Variants in MAN2A1 observed in about 807,000 individuals in gnomAD.
MAN2A1 encodes the protein mannosidase alpha class 2A member 1.
A neutral mutation model predicts 142.6 loss-of-function variants in MAN2A1; 76 were observed. That is an observed-to-expected ratio of 0.53 (90% CI 0.44 to 0.65). The LOEUF (loss-of-function observed/expected upper bound fraction) is 0.65, where lower values mean the gene tolerates loss of function less well. Ranked by LOEUF, MAN2A1 falls within the 30% of genes least tolerant of loss-of-function variation. MAN2A1 has a pLI of 0.00. For missense variants in MAN2A1, 1,311 were observed against 1,365.1 expected, an observed-to-expected ratio of 0.96 and a Z score of 0.62; for synonymous variants, 559 against 473.2, an observed-to-expected ratio of 1.18 and a Z score of -2.35.
intron 16 of MAN2A1, among the ~76,000 whole-genome samples, chr5:109,834,626 A>C (rs1755013715): frequency 6.6e-6 from 1 of 152,198 alleles, no homozygotes; most frequent in Non-Finnish European, 1.5e-5. Flanking sequence ...GAAAGGCATA[A>C]AGTAGGTACA....
At chr5:109,711,982 A>G (rs975612293) in intron 1 of MAN2A1, among the ~76,000 whole-genome samples, 1 of 152,044 alleles carries the variant, frequency 6.6e-6, no homozygotes, top group Non-Finnish European at 1.5e-5. Context: ...GAGAAGGTAC[A>G]TGGCTGTCTT....
At chr5:109,835,644 A>C (rs1755035309) in intron 16 of MAN2A1, among the ~76,000 whole-genome samples, 3 of 152,170 alleles carry the variant, frequency 2.0e-5, no homozygotes, top group Admixed American at 6.5e-5. Flanking sequence ...CTGATAAGAT[A>C]CTGGACTTTG....
chr5:109,822,848 T>C (rs1332508809), intron 15 of MAN2A1, among the ~76,000 whole-genome samples: 1 of 152,084 alleles, frequency 6.6e-6, no homozygotes, highest in Non-Finnish European at 1.5e-5. Flanking sequence ...TGGCTAATTT[T>C]TTGTCTTTTT....
At chr5:109,708,451 G>A (rs1486617391) in intron 1 of MAN2A1, among the ~76,000 whole-genome samples, 1 of 149,486 alleles carries the variant, frequency 6.7e-6, no homozygotes, top group Non-Finnish European at 1.5e-5. Context: ...GGGCCCTGGA[G>A]GGGAATGGGA....
At chr5:109,723,456 T>C (rs1022034269) in intron 3 of MAN2A1, among the ~76,000 whole-genome samples, 5 of 152,218 alleles carry the variant, frequency 3.3e-5, no homozygotes, top group African/African-American at 4.8e-5. Context: ...AGTCGATTAC[T>C]AAGTTCTCTT....
At chr5:109,823,204 A>G (rs1252424593) in intron 15 of MAN2A1, among the ~76,000 whole-genome samples, 1 of 152,196 alleles carries the variant, frequency 6.6e-6, no homozygotes, top group Non-Finnish European at 1.5e-5. Context: ...ATATTCAGCT[A>G]GTTCTTTCAA....
In MAN2A1 at chr5:109,760,665, G is replaced by A. The variant is rs569677235; in HGVS notation, c.835+5209G>A. On this transcript the variant is annotated intron_variant, in intron 5 of 21. Coordinates refer to ENST00000261483, the MANE Select transcript of MAN2A1 (RefSeq NM_002372.4). Reference sequence around the variant, plus strand: ...GTTGTTTCCTCACTTTTTAATGATCGCTTTTCTAACTGGGGTGAGATGGTA... The same window carrying A: ...GTTGTTTCCTCACTTTTTAATGATCACTTTTCTAACTGGGGTGAGATGGTA... Among the ~76,000 whole-genome samples the A allele has an allele frequency of 1.6e-3, 242 of 152,102 alleles. 3 individuals carry two copies. Among genetic ancestry groups the A allele is most frequent in the South Asian group, 8.9e-3 (43 of 4,808 alleles).
chr5:109,725,110 G>T (rs1185942383), intron 3 of MAN2A1, among the ~76,000 whole-genome samples: 1 of 152,012 alleles, frequency 6.6e-6, no homozygotes, highest in African/African-American at 2.4e-5. Context: ...AGGAACTGGG[G>T]CAAAGTACAC....
intron 1 of MAN2A1, among the ~76,000 whole-genome samples, chr5:109,694,533 G>A (rs954823181): frequency 2.6e-5 from 4 of 152,018 alleles, no homozygotes; most frequent in Non-Finnish European, 5.9e-5. Context: ...TTTATTTTGT[G>A]GAGACGGGGT....
At position 109,838,059 on chromosome 5, in the gene MAN2A1, T is replaced by TAA. The variant is rs59745040; in HGVS notation, c.2567-4256_2567-4255dup. Among the ~76,000 whole-genome samples, 119 of 144,340 alleles carry TAA rather than the reference T, an allele frequency of 8.2e-4. 2 individuals carry two copies. The highest frequency in any genetic ancestry group is 1.6e-3 in the Non-Finnish European group (106 of 65,462). 94.7% of individuals were successfully genotyped at this position (144,340 alleles called of 152,430 possible). Reference sequence around the variant, plus strand: ...AGAAGCTAACATTCTGTAGGGAGATTAAAAAAAAAAAAAATCCTAGCTCCG... The same window carrying TAA: ...AGAAGCTAACATTCTGTAGGGAGATTAAAAAAAAAAAAAAAATCCTAGCTCCG... On this transcript the variant is annotated intron_variant, in intron 16 of 21. Transcript: ENST00000261483.
intron 12 of MAN2A1, among the ~76,000 whole-genome samples, chr5:109,807,559 G>C (rs186216196): frequency 3.3e-5 from 5 of 152,074 alleles, no homozygotes; most frequent in Admixed American, 2.0e-4. Context: ...TTGGCCTGTG[G>C]CCCCTTCCTT....
Position 109,833,168 on chromosome 5 carries a change from C to T in MAN2A1, c.2567-9160C>T, listed in dbSNP as rs1338671742. On this transcript the variant is annotated intron_variant, in intron 16 of 21. Transcript: ENST00000261483. ...AGAGGGGATGGCGGCTGGGAAGAGA[C>T]GCTCCTCACTTCCCAGACTGGGCGG... Among the ~76,000 whole-genome samples, 23 of 149,892 alleles carry T rather than the reference C, an allele frequency of 1.5e-4. No homozygotes were observed. The East Asian group carries it at 2.2e-3, about 14-fold the overall frequency.
At chr5:109,818,236 G>A (rs761554784) in intron 13 of MAN2A1, among the ~76,000 whole-genome samples, 2 of 152,096 alleles carry the variant, frequency 1.3e-5, no homozygotes, top group Admixed American at 6.6e-5. Flanking sequence ...TGTCTCCCGG[G>A]TTCAAGTGAT....
chr5:109,724,488 A>G (rs916587093), intron 3 of MAN2A1, among the ~76,000 whole-genome samples: 1 of 152,206 alleles, frequency 6.6e-6, no homozygotes, highest in African/African-American at 2.4e-5. Context: ...ACTTTATTTT[A>G]AAATTTGAGA....
At chr5:109,739,892 C>T (rs1437067705) in intron 4 of MAN2A1, among the ~76,000 whole-genome samples, 1 of 152,124 alleles carries the variant, frequency 6.6e-6, no homozygotes, top group African/African-American at 2.4e-5. Context: ...TATTATTTCC[C>T]AGGGCTTTGA....
chr5:109,817,206 A>C (rs58715434), intron 12 of MAN2A1, 67 bp from the exon 13 acceptor site: 3 of 1,345,400 alleles, frequency 2.2e-6, no homozygotes, highest in Non-Finnish European at 3.2e-6. Flanking sequence ...GTATATCTAC[A>C]TGTATATGTA....
intron 7 of MAN2A1, among the ~76,000 whole-genome samples, chr5:109,772,961 A>G (rs1167486200): frequency 3.3e-5 from 5 of 152,144 alleles, no homozygotes; most frequent in African/African-American, 7.2e-5. Flanking sequence ...AGTACTATAT[A>G]TTTTAAGTTG....
chr5:109,780,008 A>T (rs1753410859), intron 8 of MAN2A1, among the ~76,000 whole-genome samples: 1 of 152,276 alleles, frequency 6.6e-6, no homozygotes, highest in East Asian at 1.9e-4. Flanking sequence ...TTTGCAGTGA[A>T]TAAGTGATAG....
At chr5:109,856,308 T>C (rs1413169487) in intron 20 of MAN2A1, among the ~76,000 whole-genome samples, 1 of 152,164 alleles carries the variant, frequency 6.6e-6, no homozygotes, top group African/African-American at 2.4e-5. Flanking sequence ...TTCAAAAGTA[T>C]TTTTTTCCCA....
Sources: gnomAD v4.1 joint callset for allele counts (sites outside exome capture counted in the v4.1 genomes callset) on GRCh38, gnomAD v4.1.1 for gene constraint, MANE v1.5 for transcripts, NCBI Gene and HGNC (gene_info 2026-07-23, HGNC 2026-07-21) for gene names.